Variants in DPP6 observed in about 807,000 individuals in gnomAD.
The protein encoded by DPP6 is dipeptidyl peptidase like 6.
DPP6 carries 69 observed loss-of-function variants against 122.6 expected under a neutral mutation model. The ratio of observed to expected loss-of-function variants is 0.56; its 90% CI spans 0.46 to 0.69. The LOEUF (loss-of-function observed/expected upper bound fraction) is 0.69. Ranked by LOEUF, DPP6 falls within the 30% of genes least tolerant of loss-of-function variation. The pLI, the probability that DPP6 is intolerant of heterozygous loss-of-function variation, is 0.00. For missense variants in DPP6, 928 were observed against 1,116.9 expected (o/e 0.83, Z 2.41); for synonymous variants, 418 against 433.1 (o/e 0.97, Z 0.43).
chr7:154,782,036 T>C (rs1042271891), intron 10 of DPP6, among the ~76,000 whole-genome samples: 10 of 152,232 alleles, frequency 6.6e-5, no homozygotes, highest in African/African-American at 2.2e-4. Flanking sequence ...TGTAATAACG[T>C]TTCCTCAGCC....
intron 1 of DPP6, among the ~76,000 whole-genome samples, chr7:154,127,642 C>G (rs1306443089): frequency 1.2e-4 from 16 of 129,552 alleles, no homozygotes; most frequent in African/African-American, 2.4e-4. Flanking sequence ...CAGACACACA[C>G]ACACACACAG....
chr7:154,733,271 A>G (rs940445416), intron 8 of DPP6, among the ~76,000 whole-genome samples: 1 of 152,190 alleles, frequency 6.6e-6, no homozygotes, highest in Non-Finnish European at 1.5e-5. Flanking sequence ...TGGAACTCAG[A>G]ATGCTCTCAT....
chr7:154,379,378 G>A (rs1371012893), intron 1 of DPP6, among the ~76,000 whole-genome samples: 14 of 152,094 alleles, frequency 9.2e-5, no homozygotes. Context: ...GGCTGGGGGA[G>A]GGATAGCATT....
chr7:153,965,099 A>G (rs760450342), intron 1 of DPP6, among the ~76,000 whole-genome samples: 5 of 149,182 alleles, frequency 3.4e-5, no homozygotes, highest in South Asian at 2.1e-4. Flanking sequence ...CTGCTCTATT[A>G]GTTTCCTCAT....
At chr7:154,463,825 A>G (rs184990224) in intron 2 of DPP6, among the ~76,000 whole-genome samples, 96 of 152,272 alleles carry the variant, frequency 6.3e-4, no homozygotes, top group Non-Finnish European at 1.1e-3. Flanking sequence ...GCTGGTATCC[A>G]AGTTGCAAGA....
In DPP6 at chr7:154,608,320, C is replaced by CATATATATATATATATATATAT. The variant is rs35662023; in HGVS notation, c.628-29500_628-29479dup. On this transcript the variant is annotated intron_variant, in intron 5 of 25. Transcript: ENST00000377770. ...CATGCTTGCATTTTTTAGGAGTGAT[C>CATATATATATATATATATATAT]ATATATATATATATATATATATTTT... 5.3e-3 allele frequency among the ~76,000 whole-genome samples: 473 copies of CATATATATATATATATATATAT among 89,752 alleles called. 26 individuals carry two copies. The East Asian group carries it at 0.075, about 14-fold the overall frequency. 58.9% of individuals were successfully genotyped at this position (89,752 alleles called of 152,430 possible). A position where few individuals can be genotyped will look rare whatever the true frequency, so the allele number is the denominator to read the frequency against.
At position 154,383,797 on chromosome 7, in the gene DPP6, T is replaced by G. The variant is rs991022990; in HGVS notation, c.244-62417T>G. 9.0e-5 allele frequency among the ~76,000 whole-genome samples: 13 copies of G among 143,946 alleles called. No homozygotes were observed. The East Asian group carries it at 2.1e-3, about 23-fold the overall frequency. 94.4% of individuals were successfully genotyped at this position (143,946 alleles called of 152,430 possible). A position where few individuals can be genotyped will look rare whatever the true frequency, so the allele number is the denominator to read the frequency against. On this transcript the variant is annotated intron_variant, in intron 1 of 25. Coordinates refer to ENST00000377770, the MANE Select transcript of DPP6 (RefSeq NM_130797.4). ...CCCAGCTACTTGGGAGGCTGAGGCA[T>G]GAGAATCGCTTGAGCCCAGGAGGCA...
At chr7:154,758,115 G>A (rs996577864) in intron 8 of DPP6, among the ~76,000 whole-genome samples, 1 of 152,210 alleles carries the variant, frequency 6.6e-6, no homozygotes, top group African/African-American at 2.4e-5. Flanking sequence ...GTTCTTGCCT[G>A]TGCCCTGTCC....
the DPP6 span, among the ~76,000 whole-genome samples, chr7:153,854,165 G>T: frequency 2.0e-5 from 3 of 150,572 alleles, no homozygotes; most frequent in African/African-American, 7.4e-5. Flanking sequence ...TAGATATGCG[G>T]CATTATTTCT....
intron 1 of DPP6, among the ~76,000 whole-genome samples, chr7:154,344,299 C>T (rs1028990275): frequency 1.3e-5 from 2 of 152,142 alleles, no homozygotes; most frequent in Admixed American, 1.3e-4. Flanking sequence ...AACTGGCAGA[C>T]AGGCGTATGA....
intron 1 of DPP6, among the ~76,000 whole-genome samples, chr7:154,154,349 T>G (rs1796577852): frequency 6.6e-6 from 1 of 152,250 alleles, no homozygotes; most frequent in African/African-American, 2.4e-5. Context: ...TTGTGTGTGT[T>G]TGTGTGATGT....
chr7:153,784,531 T>A, the DPP6 span, among the ~76,000 whole-genome samples: 1 of 152,348 alleles, frequency 6.6e-6, no homozygotes, highest in South Asian at 2.1e-4. Flanking sequence ...GAATAAGTTT[T>A]GGATGACATA....
rs548204950 is a variant in DPP6 at position 154,062,100 on chromosome 7, G to A, written c.243+9037G>A. 5.0e-4 allele frequency among the ~76,000 whole-genome samples: 54 copies of A among 107,070 alleles called. 5 individuals are homozygous for A. Among genetic ancestry groups the A allele is most frequent in the African/African-American group, 1.9e-3 (54 of 29,006 alleles). 70.2% of individuals were successfully genotyped at this position (107,070 alleles called of 152,430 possible). On this transcript the variant is annotated intron_variant, in intron 1 of 25. Coordinates refer to ENST00000377770, the MANE Select transcript of DPP6 (RefSeq NM_130797.4). ...GGCTCTTAGGACCCCCATCGCAGAG[G>A]GGGGACGCACCCCCCGCGAGGCGGG... is the stretch of plus-strand genomic sequence containing the variant.
At chr7:153,957,303 C>T (rs575671330) in intron 1 of DPP6, among the ~76,000 whole-genome samples, 22 of 152,170 alleles carry the variant, frequency 1.4e-4, no homozygotes, top group Non-Finnish European at 2.2e-4. Context: ...GAACCCTCCC[C>T]GCTCACTAGC....
At chr7:154,482,670 A>G (rs1055252505) in intron 3 of DPP6, among the ~76,000 whole-genome samples, 1 of 152,204 alleles carries the variant, frequency 6.6e-6, no homozygotes, top group Non-Finnish European at 1.5e-5. Flanking sequence ...ATACATCGTC[A>G]TTATCTTTTT....
Position 154,784,963 on chromosome 7 carries a change from AT to A in DPP6, c.1137-9115del, listed in dbSNP as rs979907889. Reference sequence around the variant, plus strand: ...TATTTCTTGAGGAGCTTGAAAAAAAATATCTTATTCTTATGAACTTGGTCTG... The same window carrying A: ...TATTTCTTGAGGAGCTTGAAAAAAAAATCTTATTCTTATGAACTTGGTCTG... On this transcript the variant is annotated intron_variant, in intron 10 of 25. Coordinates refer to ENST00000377770, the MANE Select transcript of DPP6 (RefSeq NM_130797.4). 4.9e-4 allele frequency among the ~76,000 whole-genome samples: 75 copies of A among 152,244 alleles called. 1 individual carries two copies. In the Middle Eastern group the frequency reaches 0.014, roughly 28 times the overall value.
chr7:154,152,334 T>G (rs1225389346), intron 1 of DPP6, among the ~76,000 whole-genome samples: 1 of 152,060 alleles, frequency 6.6e-6, no homozygotes, highest in Non-Finnish European at 1.5e-5. Flanking sequence ...ATCTAACTGG[T>G]GTATCTTCAC....
chr7:154,117,297 A>G (rs1807059411), intron 1 of DPP6, among the ~76,000 whole-genome samples: 1 of 152,222 alleles, frequency 6.6e-6, no homozygotes, highest in Non-Finnish European at 1.5e-5. Context: ...CTTTACCTTC[A>G]AAGTCTGAGC....
intron 1 of DPP6, among the ~76,000 whole-genome samples, chr7:154,044,593 G>A (rs191877883): frequency 2.2e-4 from 34 of 152,252 alleles, no homozygotes; most frequent in African/African-American, 4.6e-4. Context: ...AAAAGCTACC[G>A]ATCTACCTAA....
Sources: allele counts gnomAD v4.1 joint callset (sites outside exome capture counted in the v4.1 genomes callset), GRCh38; gene constraint gnomAD v4.1.1; transcripts MANE v1.5; gene names NCBI Gene and HGNC (gene_info 2026-07-23, HGNC 2026-07-21).